Variants in RPS6KC1 observed in about 807,000 individuals in gnomAD.
RPS6KC1 encodes the protein ribosomal protein S6 kinase C1.
Under a neutral mutation model 103.8 loss-of-function variants are expected in RPS6KC1, and 54 were observed. The observed-to-expected ratio is 0.52, with a 90% CI of 0.42 to 0.65. RPS6KC1 has a LOEUF of 0.65. Among genes scored for constraint, RPS6KC1 ranks in the 30% least tolerant of loss-of-function variants. RPS6KC1 has a pLI of 0.00. For synonymous variants in RPS6KC1, 439 were observed against 438.7 expected, an observed-to-expected ratio of 1.00 and a Z score of -0.01; for missense variants, 1,151 against 1,253.8, an observed-to-expected ratio of 0.92 and a Z score of 1.24.
chr1:213,378,149 C>T, the RPS6KC1 span, among the ~76,000 whole-genome samples: 3 of 152,206 alleles, frequency 2.0e-5, no homozygotes, highest in Admixed American at 6.5e-5. Context: ...AATTGCAGTA[C>T]CTACCAGACA....
chr1:213,583,861 A>G, the RPS6KC1 span, among the ~76,000 whole-genome samples: 1 of 151,752 alleles, frequency 6.6e-6, no homozygotes, highest in African/African-American at 2.4e-5. Flanking sequence ...AAAAAGAAAA[A>G]AAAGAAAAAC....
chr1:213,420,544 G>A, the RPS6KC1 span, among the ~76,000 whole-genome samples: 1 of 152,170 alleles, frequency 6.6e-6, no homozygotes, highest in East Asian at 1.9e-4. Context: ...ACCTATCCTG[G>A]TGGAGGGTAG....
the RPS6KC1 span, among the ~76,000 whole-genome samples, chr1:213,371,834 C>T: frequency 6.6e-6 from 1 of 152,326 alleles, no homozygotes; most frequent in Non-Finnish European, 1.5e-5. Context: ...ACCTCCTCCA[C>T]TCCTGACCTC....
the RPS6KC1 span, among the ~76,000 whole-genome samples, chr1:213,431,143 C>T: frequency 0.027 from 4,103 of 152,312 alleles, 84 homozygotes; most frequent in South Asian, 0.038. Flanking sequence ...TTATTATCTG[C>T]TCCTGAGAGA....
At chr1:213,844,601 C>T in the RPS6KC1 span, among the ~76,000 whole-genome samples, 1 of 151,872 alleles carries the variant, frequency 6.6e-6, no homozygotes, top group South Asian at 2.1e-4. Flanking sequence ...ATATGGTCTT[C>T]CCAAAGTTAC....
chr1:213,710,670 A>C, the RPS6KC1 span, among the ~76,000 whole-genome samples: 13 of 151,862 alleles, frequency 8.6e-5, no homozygotes, highest in African/African-American at 3.1e-4. Context: ...TCTTTTCCAT[A>C]TTTAGTGCTT....
Position 213,153,495 on chromosome 1 carries a change from C to A in RPS6KC1, c.836-14363C>A, listed in dbSNP as rs138795701. Among the ~76,000 whole-genome samples the A allele has an allele frequency of 3.6e-3, 543 of 152,198 alleles. 4 individuals are homozygous for A. Among genetic ancestry groups the A allele is most frequent in the African/African-American group, 0.012 (510 of 41,546 alleles). ...AAACTCTACACCTTAACTTTGTCCC[C>A]CAGCTTTTAAACATTTTGTTGTTTC... On this transcript the variant is annotated intron_variant, in intron 6 of 14. Coordinates refer to ENST00000366960, the MANE Select transcript of RPS6KC1 (RefSeq NM_012424.6).
At chr1:213,054,530 G>A (rs1469289295) in intron 1 of RPS6KC1, among the ~76,000 whole-genome samples, 3 of 152,148 alleles carry the variant, frequency 2.0e-5, no homozygotes, top group Non-Finnish European at 4.4e-5. Context: ...AATTAAGAAT[G>A]TCTTCTGTAT....
the RPS6KC1 span, among the ~76,000 whole-genome samples, chr1:213,284,123 C>T: frequency 6.6e-6 from 1 of 151,706 alleles, no homozygotes; most frequent in African/African-American, 2.4e-5. Context: ...AAGACATGAA[C>T]CAAGAAAAAT....
At chr1:213,713,306 A>G in the RPS6KC1 span, among the ~76,000 whole-genome samples, 2 of 152,112 alleles carry the variant, frequency 1.3e-5, no homozygotes, top group Admixed American at 1.3e-4. Flanking sequence ...CTCATATTTT[A>G]TCTCTTCCTG....
the RPS6KC1 span, among the ~76,000 whole-genome samples, chr1:213,350,255 A>C: frequency 2.0e-5 from 3 of 152,204 alleles, no homozygotes; most frequent in African/African-American, 4.8e-5. Context: ...CAAATGAGAG[A>C]TCAATCTTGC....
the RPS6KC1 span, among the ~76,000 whole-genome samples, chr1:213,387,134 A>G: frequency 0.028 from 4,266 of 152,334 alleles, 85 homozygotes; most frequent in Middle Eastern, 0.044. Flanking sequence ...TTCAACAACC[A>G]TGAAGAGGAT....
chr1:213,117,299 T>C lies in RPS6KC1; in HGVS notation c.379-18T>C, dbSNP rs766050506. ...TGCTCTTAATGCTAATGAAACACAA[T>C]TGCTCTTATCTCTTTAGGGTGGAAT... is the stretch of plus-strand genomic sequence containing the variant. On this transcript the variant is annotated intron_variant, in intron 4 of 14. Coordinates refer to ENST00000366960, the MANE Select transcript of RPS6KC1 (RefSeq NM_012424.6). The C allele has an allele frequency of 1.4e-6, 2 of 1,438,518 alleles. No individual in the cohort carries two copies. The highest frequency in any genetic ancestry group is 1.2e-5 in the South Asian group (1 of 83,858). 89.1% of individuals were successfully genotyped at this position (1,438,518 alleles called of 1,614,324 possible).
chr1:213,570,303 G>A, the RPS6KC1 span, among the ~76,000 whole-genome samples: 6 of 152,194 alleles, frequency 3.9e-5, no homozygotes, highest in Non-Finnish European at 8.8e-5. Flanking sequence ...TATGTGAAAT[G>A]CCTGGCACAC....
At chr1:213,833,058 C>T in the RPS6KC1 span, among the ~76,000 whole-genome samples, 1 of 152,170 alleles carries the variant, frequency 6.6e-6, no homozygotes, top group Non-Finnish European at 1.5e-5. Context: ...AACAGCTCTC[C>T]AGCCTTCAGC....
intron 9 of RPS6KC1, among the ~76,000 whole-genome samples, chr1:213,230,976 C>A (rs1315885586): frequency 1.3e-5 from 2 of 150,464 alleles, no homozygotes; most frequent in East Asian, 2.0e-4. Context: ...GTTAATATAT[C>A]CCCCCCCTAG....
At chr1:213,512,128 C>G in the RPS6KC1 span, among the ~76,000 whole-genome samples, 1 of 152,222 alleles carries the variant, frequency 6.6e-6, no homozygotes, top group Admixed American at 6.5e-5. Flanking sequence ...GACATTCATT[C>G]ACAATTGTAA....
intron 8 of RPS6KC1, among the ~76,000 whole-genome samples, chr1:213,217,866 T>C (rs1466458585): frequency 1.3e-5 from 2 of 152,078 alleles, no homozygotes; most frequent in Non-Finnish European, 2.9e-5. Flanking sequence ...ATTGATGGGA[T>C]GTATCTCAAA....
the RPS6KC1 span, among the ~76,000 whole-genome samples, chr1:213,414,909 C>T: frequency 1.3e-5 from 2 of 152,100 alleles, no homozygotes; most frequent in Non-Finnish European, 2.9e-5. Context: ...TTCCTGCCTC[C>T]CCCACACAGT....
Sources: allele counts gnomAD v4.1 joint callset (sites outside exome capture counted in the v4.1 genomes callset), GRCh38; gene constraint gnomAD v4.1.1; transcripts MANE v1.5; gene names NCBI Gene and HGNC (gene_info 2026-07-23, HGNC 2026-07-21).